VKORC1L1: variants seen among roughly 807,000 people sequenced by gnomAD.
The protein encoded by VKORC1L1 is vitamin K epoxide reductase complex subunit 1-like protein 1.
A neutral mutation model predicts 18.9 loss-of-function variants in VKORC1L1; 2 were observed. The ratio of observed to expected loss-of-function variants is 0.11; its 90% CI spans 0.04 to 0.33. The LOEUF is 0.33. VKORC1L1 is among the 10% of genes least tolerant of loss of function. VKORC1L1 has a pLI of 1.00. For synonymous variants in VKORC1L1, 96 were observed against 100.0 expected (o/e 0.96, Z 0.24); for missense variants, 123 against 224.1 (o/e 0.55, Z 2.88).
intron 2 of VKORC1L1, among the ~76,000 whole-genome samples, chr7:65,949,962 G>C (rs556576814): frequency 6.6e-6 from 1 of 152,196 alleles, no homozygotes; most frequent in East Asian, 1.9e-4. Context: ...AAATTTCCAA[G>C]CATAGTATCA....
chr7:65,873,928 C>T (rs1010382991), intron 1 of VKORC1L1, among the ~76,000 whole-genome samples: 2 of 151,914 alleles, frequency 1.3e-5, no homozygotes, highest in Admixed American at 1.3e-4. Context: ...TGACAGGTTT[C>T]CTGGTTCTCG....
intron 1 of VKORC1L1, among the ~76,000 whole-genome samples, chr7:65,917,780 C>A (rs1789612610): frequency 6.6e-6 from 1 of 152,212 alleles, no homozygotes; most frequent in Non-Finnish European, 1.5e-5. Flanking sequence ...GACACATTTT[C>A]TTTTGAGCCA....
At chr7:65,904,215 A>G (rs1242031543) in intron 1 of VKORC1L1, among the ~76,000 whole-genome samples, 2 of 152,098 alleles carry the variant, frequency 1.3e-5, no homozygotes, top group Non-Finnish European at 2.9e-5. Context: ...TAGTCAGGTT[A>G]TTTATTTATT....
chr7:65,948,675 G>T lies in VKORC1L1; in HGVS notation c.199G>T (p.Gly67Cys). The change falls in exon 2 of 3, where the codon GGT (glycine) becomes TGT (cysteine). Residue 67 changes from glycine to cysteine, a missense_variant. This residue lies in a region of VKORC1L1 where 18 missense variants were observed against 66.7 expected (regional missense o/e 0.27). Transcript: ENST00000360768. ...CTGGTTTTCCTTATTTTACAGATGG[G>T]GTCGAGGATTTGGTCTTTTGGGTTC... ...KCSAALASRW[G>C]RGFGLLGSIF... 1 of 1,142,040 alleles carries T rather than the reference G, an allele frequency of 8.8e-7. No individual in the cohort carries two copies. The allele number at this position is 1,142,040 out of a possible 1,614,324, so 70.7% of individuals were successfully genotyped here. A position where few individuals can be genotyped will look rare whatever the true frequency, so the allele number is the denominator to read the frequency against.
intron 1 of VKORC1L1, among the ~76,000 whole-genome samples, chr7:65,924,898 C>G (rs879627918): frequency 1.5e-4 from 23 of 152,240 alleles, no homozygotes; most frequent in South Asian, 1.2e-3. Context: ...CTGTACCTTC[C>G]TGTTACCGTT....
chr7:65,874,721 G>A (rs770875227), intron 1 of VKORC1L1, among the ~76,000 whole-genome samples: 19 of 152,028 alleles, frequency 1.2e-4, no homozygotes, highest in Non-Finnish European at 2.1e-4. Flanking sequence ...CAGGAGAATT[G>A]CTTGAACCTG....
chr7:65,927,898 G>T (rs1215418184), intron 1 of VKORC1L1, among the ~76,000 whole-genome samples: 19 of 152,164 alleles, frequency 1.2e-4, no homozygotes, highest in Non-Finnish European at 2.9e-5. Flanking sequence ...GGAGAGGGTA[G>T]TTAAGGGGGC....
chr7:65,954,294 G>C lies in VKORC1L1; in HGVS notation c.525G>C (p.Gln175His), dbSNP rs778678520. Reference protein sequence around the residue: ...EAWKRQLQPKQD With the variant: ...EAWKRQLQPKHD ...GGAAGCGGCAGCTGCAACCCAAGCA[G>C]GACTGACGCCCGACAGACTCCACCC... Residue 175 changes from glutamine to histidine, a missense_variant, in exon 3 of 3, where the codon CAG (glutamine) becomes CAC (histidine). Gln to His is a conservative substitution (Grantham distance 24). Transcript: ENST00000360768. 6 of 1,613,892 alleles carry C rather than the reference G, an allele frequency of 3.7e-6. No individual in the cohort carries two copies. Among genetic ancestry groups the C allele is most frequent in the Admixed American group, 1.7e-5 (1 of 59,980 alleles).
chr7:65,924,974 G>A (rs868722495), intron 1 of VKORC1L1, among the ~76,000 whole-genome samples: 3 of 151,950 alleles, frequency 2.0e-5, no homozygotes, highest in African/African-American at 7.3e-5. Context: ...TTCCCTCCTG[G>A]TTGGTCCTTT....
At chr7:65,939,743 A>G (rs1790003871) in intron 1 of VKORC1L1, among the ~76,000 whole-genome samples, 1 of 152,204 alleles carries the variant, frequency 6.6e-6, no homozygotes, top group Non-Finnish European at 1.5e-5. Context: ...ACAGGTTACA[A>G]CAGATTTGCG....
At chr7:65,938,300 A>G (rs1165841596) in intron 1 of VKORC1L1, among the ~76,000 whole-genome samples, 2 of 152,262 alleles carry the variant, frequency 1.3e-5, no homozygotes, top group Non-Finnish European at 1.5e-5. Flanking sequence ...AATTAAACAT[A>G]TGTTAGCAAT....
chr7:65,928,789 G>A (rs773329351), intron 1 of VKORC1L1, among the ~76,000 whole-genome samples: 22 of 152,152 alleles, frequency 1.4e-4, no homozygotes, highest in Non-Finnish European at 2.8e-4. Context: ...CATATGATAA[G>A]TATATGTTTA....
intron 1 of VKORC1L1, among the ~76,000 whole-genome samples, chr7:65,881,029 G>C (rs1156746261): frequency 2.0e-5 from 3 of 152,138 alleles, no homozygotes; most frequent in Non-Finnish European, 2.9e-5. Context: ...TGAACTTTCA[G>C]ATTTGGGATG....
intron 1 of VKORC1L1, among the ~76,000 whole-genome samples, chr7:65,931,813 T>C (rs1415481344): frequency 1.3e-5 from 2 of 152,156 alleles, no homozygotes; most frequent in East Asian, 3.9e-4. Context: ...GGCTACTTTT[T>C]ATATTTTTAG....
chr7:65,882,013 G>A (rs1788936428), intron 1 of VKORC1L1, among the ~76,000 whole-genome samples: 1 of 152,068 alleles, frequency 6.6e-6, no homozygotes, highest in South Asian at 2.1e-4. Context: ...CTGGGAGGCA[G>A]AGGTTGCAGT....
At chr7:65,897,453 T>C (rs1789233801) in intron 1 of VKORC1L1, among the ~76,000 whole-genome samples, 1 of 152,222 alleles carries the variant, frequency 6.6e-6, no homozygotes, top group Non-Finnish European at 1.5e-5. Flanking sequence ...ATACCTTGTG[T>C]AGTATAGTAT....
chr7:65,958,871 G>A lies in VKORC1L1; in HGVS notation c.*4571G>A, dbSNP rs1173181449. 6.6e-6 allele frequency: 1 copy of A among 152,224 alleles called. No individual in the cohort carries two copies. The highest frequency in any genetic ancestry group is 1.5e-5 in the Non-Finnish European group (1 of 68,044). The allele number at this position is 152,224 out of a possible 1,614,324, so 9.4% of individuals were successfully genotyped here. On this transcript the variant is annotated 3_prime_UTR_variant, in exon 3 of 3. Transcript: ENST00000360768. The stretch of plus-strand genomic sequence containing the variant: ...GCTGTTTTTCCATAGTTTTACTTTA[G>A]CTTACCTTGAATACTCCCTGTATAA...
At chr7:65,880,165 C>G (rs553349098) in intron 1 of VKORC1L1, among the ~76,000 whole-genome samples, 1 of 152,286 alleles carries the variant, frequency 6.6e-6, no homozygotes, top group East Asian at 1.9e-4. Flanking sequence ...TTTACCACTA[C>G]TTTAAATTCC....
chr7:65,889,465 C>A (rs1456575908), intron 1 of VKORC1L1, among the ~76,000 whole-genome samples: 3 of 152,230 alleles, frequency 2.0e-5, no homozygotes, highest in African/African-American at 7.2e-5. Flanking sequence ...TCTTCCTCCC[C>A]TCCCCCACCA....
Sources: gnomAD v4.1 joint callset for allele counts (sites outside exome capture counted in the v4.1 genomes callset) on GRCh38, gnomAD v4.1.1 for gene constraint, gnomAD v4.1.1 regional missense constraint, MANE v1.5 for transcripts, NCBI Gene and HGNC (gene_info 2026-07-23, HGNC 2026-07-21) for gene names.